The following ATP1A1 variants were observed in gnomAD, a reference collection of about 807,000 sequenced individuals.
The protein encoded by ATP1A1 is ATPase Na+/K+ transporting subunit alpha 1.
ATP1A1 carries 14 observed loss-of-function variants against 114.8 expected under a neutral mutation model. That is an observed-to-expected ratio of 0.12 (90% CI 0.08 to 0.19). The LOEUF (loss-of-function observed/expected upper bound fraction) is 0.19. ATP1A1 is among the 10% of genes least tolerant of loss of function. ATP1A1 has a pLI of 1.00. For missense variants in ATP1A1, 524 were observed against 1,290.7 expected (o/e 0.41, Z 9.10); for synonymous variants, 471 against 466.3 (o/e 1.01, Z -0.13).
chr1:116,388,891 C>G lies in ATP1A1; in HGVS notation c.637-11C>G, dbSNP rs747680211. 1 of 1,613,518 alleles carries G rather than the reference C, an allele frequency of 6.2e-7. No individual in the cohort carries two copies. The highest frequency in any genetic ancestry group is 1.1e-5 in the South Asian group (1 of 90,980). ...TTCACATGACATTTTTCTTCTTTTC[C>G]TCACATATAGGTGGATAACTCCTCG... On this transcript the variant is annotated splice_polypyrimidine_tract_variant and intron_variant, in intron 6 of 22. Transcript: ENST00000295598. The surrounding 1 kb of genome is among the most constrained non-coding windows in gnomAD (Gnocchi z 5.6).
Position 116,384,490 on chromosome 1 carries a change from A to G in ATP1A1, c.124-293A>G, listed in dbSNP as rs577313805. On this transcript the variant is annotated intron_variant, in intron 2 of 22. Transcript: ENST00000295598. The surrounding 1 kb of genome is among the most constrained non-coding windows in gnomAD (Gnocchi z 5.1). ...TCGACCTGGTCATCAGAGAAGGCAG[A>G]TAAGGTTTTACTAGATCCCTGAGAG... is the stretch of plus-strand genomic sequence containing the variant. Among the ~76,000 whole-genome samples, 7 of 152,304 alleles carry G rather than the reference A, an allele frequency of 4.6e-5. No homozygotes were observed. The East Asian group carries it at 1.4e-3, about 29-fold the overall frequency.
chr1:116,375,609 G>A (rs1226799952), intron 1 of ATP1A1, among the ~76,000 whole-genome samples: 1 of 152,194 alleles, frequency 6.6e-6, no homozygotes, highest in Non-Finnish European at 1.5e-5. Context: ...CTGCTGGGTG[G>A]TAGTTAGCAT....
chr1:116,388,325 GT>G lies in ATP1A1; in HGVS notation c.501+85del. The G allele has an allele frequency of 2.4e-6, 3 of 1,240,976 alleles. No individual in the cohort carries two copies. The highest frequency in any genetic ancestry group is 3.5e-6 in the Non-Finnish European group (3 of 855,846). The allele number at this position is 1,240,976 out of a possible 1,614,324, so 76.9% of individuals were successfully genotyped here. A position where few individuals can be genotyped will look rare whatever the true frequency, so the allele number is the denominator to read the frequency against. The stretch of plus-strand genomic sequence containing the variant: ...GCCTGTGAATTAGTGTGAAGTTAAG[GT>G]TTTCCAAGTATTACATGACTCATCA... On this transcript the variant is annotated intron_variant, in intron 5 of 22. Transcript: ENST00000295598. This position sits in a 1 kb window ranked among gnomAD's most constrained non-coding sequence, Gnocchi z 5.6.
chr1:116,379,462 C>T (rs545982686), intron 1 of ATP1A1, among the ~76,000 whole-genome samples: 6 of 152,176 alleles, frequency 3.9e-5, no homozygotes, highest in South Asian at 2.1e-4. Context: ...CCCTCAACCC[C>T]GGCCATCCCT....
intron 1 of ATP1A1, among the ~76,000 whole-genome samples, chr1:116,378,698 T>C (rs1233285652): frequency 6.6e-6 from 1 of 152,246 alleles, no homozygotes; most frequent in African/African-American, 2.4e-5. Flanking sequence ...TTGGACAGCC[T>C]TTATCCTCTT....
chr1:116,384,714 T>G lies in ATP1A1; in HGVS notation c.124-69T>G, dbSNP rs1394146004. On this transcript the variant is annotated intron_variant, in intron 2 of 22. Coordinates refer to ENST00000295598, the MANE Select transcript of ATP1A1 (RefSeq NM_000701.8). This position sits in a 1 kb window ranked among gnomAD's most constrained non-coding sequence, Gnocchi z 5.1. ...TAAGCTTAATGATAGTAATGAATAA[T>G]GCTATTTTTTCTGTCATTTTTTTAT... The G allele has an allele frequency of 1.5e-6, 2 of 1,310,468 alleles. No homozygotes were observed. Among genetic ancestry groups the G allele is most frequent in the Non-Finnish European group, 2.2e-6 (2 of 930,010 alleles). The allele number at this position is 1,310,468 out of a possible 1,614,324, so 81.2% of individuals were successfully genotyped here.
Position 116,390,262 on chromosome 1 carries a change from T to C in ATP1A1, c.1073T>C (p.Val358Ala). 6.2e-7 allele frequency: 1 copy of C among 1,614,174 alleles called. No homozygotes were observed. Among genetic ancestry groups the C allele is most frequent in the Non-Finnish European group, 8.5e-7 (1 of 1,180,012 alleles). Residue 358 changes from valine to alanine, a missense_variant, in exon 9 of 23, where the codon GTG becomes GCG. Transcript: ENST00000295598. ...AKRMARKNCL[V>A]KNLEAVETLG... The stretch of plus-strand genomic sequence containing the variant: ...CGCATGGCAAGGAAAAACTGCTTAG[T>C]GAAGAACTTAGAAGCTGTGGAGACC...
At chr1:116,379,825 A>T (rs1043841620) in intron 1 of ATP1A1, among the ~76,000 whole-genome samples, 3 of 152,150 alleles carry the variant, frequency 2.0e-5, no homozygotes, top group Non-Finnish European at 4.4e-5. Flanking sequence ...CCTCCCCCTT[A>T]CCTTTTACAT....
rs1406263467 is a variant in ATP1A1, at chr1:116,404,760, GC to G, written c.*317del. Reference sequence around the variant, plus strand: ...ATCTGGATTTTTACAAATAAAGATGGCTATTATAATGGAATTTGTCTGTGCC... The same window carrying G: ...ATCTGGATTTTTACAAATAAAGATGGTATTATAATGGAATTTGTCTGTGCC... On this transcript the variant is annotated 3_prime_UTR_variant, in exon 23 of 23. Transcript: ENST00000295598. The surrounding 1 kb of genome is among the most constrained non-coding windows in gnomAD (Gnocchi z 4.8). The G allele has an allele frequency of 1.4e-5, 16 of 1,143,326 alleles. No homozygotes were observed. Among genetic ancestry groups the G allele is most frequent in the Non-Finnish European group, 1.7e-5 (16 of 933,382 alleles). The allele number at this position is 1,143,326 out of a possible 1,614,324, so 70.8% of individuals were successfully genotyped here. A position where few individuals can be genotyped will look rare whatever the true frequency, so the allele number is the denominator to read the frequency against.
In ATP1A1 at chr1:116,384,168, C is replaced by G. The variant is rs751184308; in HGVS notation, c.123+44C>G. The G allele has an allele frequency of 6.5e-7, 1 of 1,537,670 alleles. No individual in the cohort carries two copies. Among genetic ancestry groups the G allele is most frequent in the South Asian group, 1.1e-5 (1 of 87,972 alleles). ...ATTGTATTCCATCCTTATTAAAAATCCATGATTTTTAATCCCCCAGGCCTC... is the reference window on the plus strand; with the variant it reads ...ATTGTATTCCATCCTTATTAAAAATGCATGATTTTTAATCCCCCAGGCCTC... On this transcript the variant is annotated intron_variant, in intron 2 of 22. Coordinates refer to ENST00000295598, the MANE Select transcript of ATP1A1 (RefSeq NM_000701.8). The surrounding 1 kb of genome is among the most constrained non-coding windows in gnomAD (Gnocchi z 5.1).
chr1:116,394,401 A>G (rs1373238981), intron 12 of ATP1A1, among the ~76,000 whole-genome samples: 2 of 152,162 alleles, frequency 1.3e-5, no homozygotes, highest in East Asian at 3.9e-4. Flanking sequence ...TATCTTTCGT[A>G]TGTGTCTATC....
In ATP1A1 at chr1:116,387,577, C is replaced by G; in HGVS notation, c.387+86C>G. On this transcript the variant is annotated intron_variant, in intron 4 of 22. Coordinates refer to ENST00000295598, the MANE Select transcript of ATP1A1 (RefSeq NM_000701.8). This position sits in a 1 kb window ranked among gnomAD's most constrained non-coding sequence, Gnocchi z 6.7. ...GTCTCCCACTTCTTCTCAATTACCA[C>G]TCATTACTTAATGGTTATGAACTCA... 1 of 1,406,794 alleles carries G rather than the reference C, an allele frequency of 7.1e-7. No homozygotes were observed. Among genetic ancestry groups the G allele is most frequent in the Non-Finnish European group, 9.9e-7 (1 of 1,013,646 alleles). 87.1% of individuals were successfully genotyped at this position (1,406,794 alleles called of 1,614,324 possible).
rs1653244200 is a variant in ATP1A1 at position 116,399,525 on chromosome 1, A to G, written c.2554A>G (p.Met852Val). The G allele has an allele frequency of 6.2e-7, 1 of 1,614,162 alleles. No individual in the cohort carries two copies. Among genetic ancestry groups the G allele is most frequent in the Non-Finnish European group, 8.5e-7 (1 of 1,180,016 alleles). ...ACTTGTGAATGAGCGGCTGATCAGC[A>G]TGGCCTATGGGCAGATTGGTAAGCT... ...DKLVNERLIS[M>V]AYGQIGMIQA... The change falls in exon 18 of 23, where the codon ATG (methionine) becomes GTG (valine). Residue 852 changes from methionine (M) to valine (V), a missense_variant. By Grantham distance (21) the Met-to-Val change is conservative (BLOSUM62 1). Transcript: ENST00000295598. This position sits in a 1 kb window ranked among gnomAD's most constrained non-coding sequence, Gnocchi z 5.0.
Position 116,401,345 on chromosome 1 carries a change from G to A in ATP1A1, c.2849+85G>A. ...ACCCTTTGCCAAAAACTAAACATAT[G>A]ACACATATAGCCAGGTTTCTGGAAT... On this transcript the variant is annotated intron_variant, in intron 20 of 22. Coordinates refer to ENST00000295598, the MANE Select transcript of ATP1A1 (RefSeq NM_000701.8). This position sits in a 1 kb window ranked among gnomAD's most constrained non-coding sequence, Gnocchi z 4.7. 3 of 1,592,578 alleles carry A rather than the reference G, an allele frequency of 1.9e-6. No homozygotes were observed. The highest frequency in any genetic ancestry group is 4.5e-5 in the East Asian group (2 of 44,538).
chr1:116,374,094 C>A (rs1557776394), intron 1 of ATP1A1: 4 of 1,452,772 alleles, frequency 2.8e-6, no homozygotes, highest in African/African-American at 1.5e-5. Flanking sequence ...GGGGCTCCTT[C>A]TCCTGGGGAC....
At chr1:116,373,578 G>A (rs1258463351) in intron 1 of ATP1A1, 55 bp downstream of exon 1, 6 of 1,387,630 alleles carry the variant, frequency 4.3e-6, no homozygotes, top group African/African-American at 1.5e-5. Context: ...AGGGGAAGAG[G>A]AGGAAGTCGG....
At chr1:116,374,077 C>T (rs1437808454) in intron 1 of ATP1A1, 3 of 1,416,426 alleles carry the variant, frequency 2.1e-6, no homozygotes, top group East Asian at 2.7e-5. Context: ...GGGCAGCCTC[C>T]GGGTTCGGGG....
chr1:116,396,812 T>C, intron 14 of ATP1A1, 78 bp downstream of exon 14: 1 of 1,462,778 alleles, frequency 6.8e-7, no homozygotes, highest in Non-Finnish European at 9.1e-7. Context: ...CGTGGTTCTA[T>C]AATGGTTTGC....
chr1:116,396,062 G>A (rs1440704539), intron 13 of ATP1A1, among the ~76,000 whole-genome samples: 1 of 152,084 alleles, frequency 6.6e-6, no homozygotes, highest in African/African-American at 2.4e-5. Context: ...CTACTCTCAG[G>A]ATTAATACTG....
Sources: gnomAD v4.1 joint callset for allele counts (sites outside exome capture counted in the v4.1 genomes callset) on GRCh38, gnomAD v4.1.1 for gene constraint, Gnocchi (gnomAD v3.1) non-coding constraint, MANE v1.5 for transcripts, NCBI Gene and HGNC (gene_info 2026-07-23, HGNC 2026-07-21) for gene names.